Variants in CFAP20DC observed in about 807,000 individuals in gnomAD.
The protein encoded by CFAP20DC is CFAP20 domain containing, also known as protein CFAP20DC.
Under a neutral mutation model 101.7 loss-of-function variants are expected in CFAP20DC, and 84 were observed. The observed-to-expected ratio is 0.83, with a 90% CI of 0.69 to 0.99. The LOEUF (loss-of-function observed/expected upper bound fraction) is 0.99. Among genes scored for constraint, CFAP20DC ranks in the 50% least tolerant of loss-of-function variants. The pLI, the probability that CFAP20DC is intolerant of heterozygous loss-of-function variation, is 0.00. For synonymous variants in CFAP20DC, 359 were observed against 351.2 expected, an observed-to-expected ratio of 1.02 and a Z score of -0.25; for missense variants, 1,007 against 970.3, an observed-to-expected ratio of 1.04 and a Z score of -0.50.
chr3:59,012,110 C>T (rs1022713246), intron 4 of CFAP20DC, among the ~76,000 whole-genome samples: 2 of 152,100 alleles, frequency 1.3e-5, no homozygotes, highest in African/African-American at 4.8e-5. Flanking sequence ...TATAAATTGA[C>T]TGAATAAATG....
intron 4 of CFAP20DC, among the ~76,000 whole-genome samples, chr3:58,968,542 C>T (rs926240996): frequency 6.6e-6 from 1 of 152,038 alleles, no homozygotes; most frequent in Non-Finnish European, 1.5e-5. Context: ...GTCCTTTGCC[C>T]ACACTTTAAT....
chr3:58,883,956 G>T (rs2081407666), intron 7 of CFAP20DC, among the ~76,000 whole-genome samples: 1 of 152,098 alleles, frequency 6.6e-6, no homozygotes, highest in African/African-American at 2.4e-5. Flanking sequence ...GTAGAACACT[G>T]GCAGCCCTGA....
chr3:58,827,447 CA>C (rs1190586309), intron 14 of CFAP20DC, among the ~76,000 whole-genome samples: 1 of 151,546 alleles, frequency 6.6e-6, no homozygotes, highest in Non-Finnish European at 1.5e-5. Context: ...GCGAGACAAG[CA>C]AAACTCATTT....
chr3:58,876,943 A>G (rs2080799618), intron 7 of CFAP20DC, among the ~76,000 whole-genome samples: 1 of 152,234 alleles, frequency 6.6e-6, no homozygotes, highest in African/African-American at 2.4e-5. Flanking sequence ...CAGCAGTATT[A>G]TTTTAGAAAA....
intron 4 of CFAP20DC, among the ~76,000 whole-genome samples, chr3:58,947,527 T>C (rs1021494090): frequency 6.6e-6 from 1 of 152,208 alleles, no homozygotes. Flanking sequence ...ATCTGGGCCA[T>C]GTGCATTTAG....
In CFAP20DC at chr3:59,049,752, T is replaced by C. The variant is rs1401341082; in HGVS notation, c.-121A>G. On this transcript the variant is annotated 5_prime_UTR_variant, in exon 1 of 17. Transcript: ENST00000482387. ...GGAGCCCGACGGGTGGGAAAGGGCT[T>C]CGTGCTTGGCCCAGACTTGGGCAGG... 6 of 1,253,360 alleles carry C rather than the reference T, an allele frequency of 4.8e-6. No homozygotes were observed. The highest frequency in any genetic ancestry group is 6.6e-6 in the Non-Finnish European group (6 of 912,618). The allele number at this position is 1,253,360 out of a possible 1,614,324, so 77.6% of individuals were successfully genotyped here. A position where few individuals can be genotyped will look rare whatever the true frequency, so the allele number is the denominator to read the frequency against.
rs758902799 is a variant in CFAP20DC, at chr3:58,973,768, A to C, written c.279-36006T>G. Reference sequence around the variant, plus strand: ...AACAAAGGGATGGTTAGGCACCCCCAAAATAGAAACAATGGGCAGCCTTTA... The same window carrying C: ...AACAAAGGGATGGTTAGGCACCCCCCAAATAGAAACAATGGGCAGCCTTTA... On this transcript the variant is annotated intron_variant, in intron 4 of 16. Coordinates refer to ENST00000482387, the MANE Select transcript of CFAP20DC (RefSeq NM_001394063.1). Among the ~76,000 whole-genome samples the C allele has an allele frequency of 2.6e-5, 4 of 152,192 alleles. No homozygotes were observed. The South Asian group carries it at 8.3e-4, about 31-fold the overall frequency.
rs1046842837 is a variant in CFAP20DC, at chr3:58,721,310, A to G, written c.198-3682T>C. On this transcript the variant is annotated intron_variant, in intron 3 of 3. Transcript: ENST00000486145. This position sits in a 1 kb window ranked among gnomAD's most constrained non-coding sequence, Gnocchi z 5.2. ...TACTTCTGGGTGCATGTGTTGGGGC[A>G]GGGGTTATCAATGGTCACCAAAATC... Among the ~76,000 whole-genome samples, 1 of 152,202 alleles carries G rather than the reference A, an allele frequency of 6.6e-6. No individual in the cohort carries two copies. Among genetic ancestry groups the G allele is most frequent in the Non-Finnish European group, 1.5e-5 (1 of 68,030 alleles).
At chr3:58,744,091 G>T (rs1398558494) in intron 16 of CFAP20DC, among the ~76,000 whole-genome samples, 1 of 152,244 alleles carries the variant, frequency 6.6e-6, no homozygotes, top group South Asian at 2.1e-4. Flanking sequence ...ACTGAGGAAT[G>T]ATTACATCTG....
intron 5 of CFAP20DC, among the ~76,000 whole-genome samples, chr3:58,933,844 A>G (rs1389057772): frequency 2.6e-5 from 4 of 151,936 alleles, no homozygotes; most frequent in Admixed American, 2.0e-4. Context: ...TGACACCCTA[A>G]CATCACAATT....
At chr3:58,939,600 A>G (rs1315712478) in intron 4 of CFAP20DC, among the ~76,000 whole-genome samples, 5 of 148,876 alleles carry the variant, frequency 3.4e-5, no homozygotes, top group African/African-American at 1.2e-4. Flanking sequence ...CTGGGACTAC[A>G]GGCACCCGCC....
At chr3:58,835,815 C>A (rs2076698599) in intron 13 of CFAP20DC, among the ~76,000 whole-genome samples, 1 of 152,158 alleles carries the variant, frequency 6.6e-6, no homozygotes, top group Non-Finnish European at 1.5e-5. Context: ...TTTTAAGAAG[C>A]TTTGCAATAA....
chr3:58,998,578 T>C (rs1487963083), intron 4 of CFAP20DC, among the ~76,000 whole-genome samples: 1 of 152,180 alleles, frequency 6.6e-6, no homozygotes, highest in Non-Finnish European at 1.5e-5. Context: ...CATGGTTGAC[T>C]ACATTATTAA....
intron 15 of CFAP20DC, among the ~76,000 whole-genome samples, chr3:58,763,787 G>GA (rs1362864578): frequency 6.6e-6 from 1 of 152,216 alleles, no homozygotes; most frequent in African/African-American, 2.4e-5. Flanking sequence ...GTCTGTTGGA[G>GA]TTTGCTGGAG....
intron 14 of CFAP20DC, among the ~76,000 whole-genome samples, chr3:58,808,368 A>G (rs9815424): frequency 0.12 from 18,258 of 152,212 alleles, 1,972 homozygotes; most frequent in East Asian, 0.35. Context: ...CTGATCTCTC[A>G]GCAGAAATTC....
intron 4 of CFAP20DC, among the ~76,000 whole-genome samples, chr3:59,037,721 T>C (rs1265420296): frequency 1.3e-5 from 2 of 152,148 alleles, no homozygotes; most frequent in Non-Finnish European, 2.9e-5. Flanking sequence ...AATGTGGCGA[T>C]TCCTCAAGAA....
In CFAP20DC at chr3:58,732,293, A is replaced by G. The variant is rs1303995091; in HGVS notation, c.198-14665T>C. Among the ~76,000 whole-genome samples, 2 of 152,240 alleles carry G rather than the reference A, an allele frequency of 1.3e-5. No homozygotes were observed. The highest frequency in any genetic ancestry group is 2.9e-5 in the Non-Finnish European group (2 of 68,038). On this transcript the variant is annotated intron_variant, in intron 3 of 3. Transcript: ENST00000486145. This position sits in a 1 kb window ranked among gnomAD's most constrained non-coding sequence, Gnocchi z 5.4. Reference sequence around the variant, plus strand: ...TGGTATTTGTCAAATTCAGCTCAGTAGAAATGCCACAGGAATAACACAAAA... The same window carrying G: ...TGGTATTTGTCAAATTCAGCTCAGTGGAAATGCCACAGGAATAACACAAAA...
intron 15 of CFAP20DC, among the ~76,000 whole-genome samples, chr3:58,775,859 C>T (rs1019973314): frequency 1.3e-5 from 2 of 151,666 alleles, no homozygotes; most frequent in Admixed American, 6.6e-5. Context: ...GATTCTCCTG[C>T]CTCAGCCTCC....
intron 4 of CFAP20DC, among the ~76,000 whole-genome samples, chr3:58,996,404 C>A (rs1346085002): frequency 6.6e-6 from 1 of 152,060 alleles, no homozygotes; most frequent in South Asian, 2.1e-4. Context: ...AAAACCTTTA[C>A]CAAAAAAACA....
Sources: allele counts gnomAD v4.1 joint callset (sites outside exome capture counted in the v4.1 genomes callset), GRCh38; gene constraint gnomAD v4.1.1; non-coding constraint Gnocchi (gnomAD v3.1); transcripts MANE v1.5; gene names NCBI Gene and HGNC (gene_info 2026-07-23, HGNC 2026-07-21).